The following ARMC9 variants were observed in gnomAD, a reference collection of about 807,000 sequenced individuals.
ARMC9 encodes the protein armadillo repeat containing 9, also known as lisH domain-containing protein ARMC9.
In ARMC9, 94 loss-of-function variants were observed where a neutral mutation model predicts 107.0. That is an observed-to-expected ratio of 0.88 (90% CI 0.74 to 1.04). The LOEUF is 1.04. Among genes scored for constraint, ARMC9 ranks in the 50% least tolerant of loss-of-function variants. The pLI is 0.00. For missense variants in ARMC9, 942 were observed against 1,030.1 expected, an observed-to-expected ratio of 0.91 and a Z score of 1.17; for synonymous variants, 380 against 396.9, an observed-to-expected ratio of 0.96 and a Z score of 0.51.
chr2:231,337,286 A>AT lies in ARMC9; in HGVS notation c.1878+5390dup, dbSNP rs1423365679. 1.9e-3 allele frequency among the ~76,000 whole-genome samples: 115 copies of AT among 59,698 alleles called. 1 individual carries two copies. Among genetic ancestry groups the AT allele is most frequent in the African/African-American group, 6.8e-3 (90 of 13,236 alleles). 39.2% of individuals were successfully genotyped at this position (59,698 alleles called of 152,430 possible). ...CGTGTGTGTGTATATATATATATAT[A>AT]TATATTTTTTTTTTTTTTTTTTTTT... On this transcript the variant is annotated intron_variant, in intron 20 of 24. Transcript: ENST00000611582.
chr2:231,261,830 T>C (rs2038379778), intron 11 of ARMC9, among the ~76,000 whole-genome samples: 1 of 151,654 alleles, frequency 6.6e-6, no homozygotes. Context: ...ACAGGTTCTT[T>C]TTTTTTTTTT....
chr2:231,271,092 T>G lies in ARMC9; in HGVS notation c.1210+20T>G. 6.2e-7 allele frequency: 1 copy of G among 1,612,434 alleles called. No homozygotes were observed. ...CAGAAGGTGAGACATCAGCTTTGCT[T>G]CAAAGATAAGAGCTAGGTCATATTG... On this transcript the variant is annotated intron_variant, in intron 13 of 24. Coordinates refer to ENST00000611582, the MANE Select transcript of ARMC9 (RefSeq NM_001352754.2).
Position 231,330,812 on chromosome 2 carries a change from G to C in ARMC9, c.1774-981G>C, listed in dbSNP as rs78092356. On this transcript the variant is annotated intron_variant, in intron 19 of 24. Transcript: ENST00000611582. ...TTTGGCTAAAGGAAGCAGGCTTTGG[G>C]TAAAGGAAGCAGGCTTTGGCTAAAG... Among the ~76,000 whole-genome samples the C allele has an allele frequency of 2.6e-3, 344 of 132,462 alleles. 2 individuals are homozygous for C. The highest frequency in any genetic ancestry group is 0.014 in the African/African-American group (318 of 23,266). The allele number at this position is 132,462 out of a possible 152,430, so 86.9% of individuals were successfully genotyped here.
In ARMC9 at chr2:231,331,283, C is replaced by T. The variant is rs980474313; in HGVS notation, c.1774-510C>T. 2.6e-5 allele frequency among the ~76,000 whole-genome samples: 4 copies of T among 152,180 alleles called. No individual in the cohort carries two copies. In the South Asian group the frequency reaches 6.2e-4, roughly 24 times the overall value. ...GTAGTGTCCAGTGTTTTTGGTTGTA[C>T]GTAGTGGGAGGAATATGGAAAGGAA... On this transcript the variant is annotated intron_variant, in intron 19 of 24. Transcript: ENST00000611582.
intron 9 of ARMC9, among the ~76,000 whole-genome samples, chr2:231,250,373 T>C (rs1336232626): frequency 6.6e-6 from 1 of 152,192 alleles, no homozygotes; most frequent in East Asian, 1.9e-4. Flanking sequence ...CCAGTAGCAC[T>C]ACTCCCGCTA....
chr2:231,270,761 T>G (rs991693182), intron 12 of ARMC9: 1 of 668,986 alleles, frequency 1.5e-6, no homozygotes, highest in African/African-American at 1.8e-5. Flanking sequence ...TTCGTGTAAT[T>G]AATTCATTTA....
At chr2:231,246,178 T>C (rs746673378) in intron 9 of ARMC9, among the ~76,000 whole-genome samples, 2 of 152,190 alleles carry the variant, frequency 1.3e-5, no homozygotes, top group South Asian at 2.1e-4. Flanking sequence ...TAAGGCCCCA[T>C]TGGAAATAAA....
At chr2:231,322,310 C>G (rs1242859928) in intron 19 of ARMC9, among the ~76,000 whole-genome samples, 1 of 152,226 alleles carries the variant, frequency 6.6e-6, no homozygotes, top group Non-Finnish European at 1.5e-5. Flanking sequence ...TCAGTCCACC[C>G]TCGCTCTCCC....
intron 21 of ARMC9, among the ~76,000 whole-genome samples, chr2:231,349,777 A>T (rs1301422086): frequency 1.3e-5 from 2 of 148,220 alleles, no homozygotes; most frequent in African/African-American, 5.3e-5. Context: ...TGAGACCCCC[A>T]ACTTAAAACA....
intron 23 of ARMC9, among the ~76,000 whole-genome samples, chr2:231,363,920 C>G (rs1011179539): frequency 6.7e-6 from 1 of 150,308 alleles, no homozygotes; most frequent in African/African-American, 2.4e-5. Flanking sequence ...AGCCCAGACC[C>G]TACAATCATG....
In ARMC9 at chr2:231,345,220, G is replaced by T. The variant is rs1237291927; in HGVS notation, c.1994+130G>T. 3 of 1,465,440 alleles carry T rather than the reference G, an allele frequency of 2.0e-6. No individual in the cohort carries two copies. The African/African-American group carries it at 4.4e-5, about 22-fold the overall frequency. The allele number at this position is 1,465,440 out of a possible 1,614,324, so 90.8% of individuals were successfully genotyped here. A position where few individuals can be genotyped will look rare whatever the true frequency, so the allele number is the denominator to read the frequency against. On this transcript the variant is annotated intron_variant, in intron 21 of 24. Transcript: ENST00000611582. ...GAAAAGCATTTATCTCTTTATTTTT[G>T]GGGGATTTTTGGAGGGAAAGAGGTT... is the stretch of plus-strand genomic sequence containing the variant.
At position 231,375,270 on chromosome 2, in the gene ARMC9, T is replaced by A. The variant is rs2046160980; in HGVS notation, c.*3735T>A. Among the ~76,000 whole-genome samples the A allele has an allele frequency of 1.3e-5, 2 of 152,200 alleles. No homozygotes were observed. The highest frequency in any genetic ancestry group is 4.1e-4 in the South Asian group (2 of 4,830). On this transcript the variant is annotated 3_prime_UTR_variant, in exon 25 of 25. Coordinates refer to ENST00000611582, the MANE Select transcript of ARMC9 (RefSeq NM_001352754.2). The surrounding 1 kb of genome is among the most constrained non-coding windows in gnomAD (Gnocchi z 4.3). ...CCCTTGGTTCTCCTCTGGCTTAGGC[T>A]TGTTCACATGGTGGCCTCGGGGCTC...
intron 1 of ARMC9, among the ~76,000 whole-genome samples, chr2:231,201,886 C>G (rs1384335393): frequency 6.6e-6 from 1 of 152,214 alleles, no homozygotes; most frequent in Non-Finnish European, 1.5e-5. Flanking sequence ...TACCAGCAAC[C>G]CTGCCATGTT....
chr2:231,367,668 G>A (rs1002579496), intron 23 of ARMC9, among the ~76,000 whole-genome samples: 2 of 151,602 alleles, frequency 1.3e-5, no homozygotes, highest in Non-Finnish European at 2.9e-5. Flanking sequence ...TAAATATTAT[G>A]GATATTTTAC....
chr2:231,219,863 G>A (rs1440321465), intron 5 of ARMC9, among the ~76,000 whole-genome samples: 1 of 151,764 alleles, frequency 6.6e-6, no homozygotes, highest in Non-Finnish European at 1.5e-5. Flanking sequence ...AAGAGATGGG[G>A]TCTCACTCTA....
chr2:231,246,023 GC>G (rs147212117), intron 9 of ARMC9, among the ~76,000 whole-genome samples: 1 of 152,144 alleles, frequency 6.6e-6, no homozygotes, highest in East Asian at 1.9e-4. Context: ...TCGAGCTCCT[GC>G]CCCCTGGATG....
chr2:231,223,520 G>A (rs2034352410), intron 6 of ARMC9, among the ~76,000 whole-genome samples: 1 of 152,200 alleles, frequency 6.6e-6, no homozygotes, highest in Admixed American at 6.5e-5. Flanking sequence ...GAATAAAAAT[G>A]TATCCAAAGT....
At chr2:231,213,575 C>T (rs2033157314) in intron 3 of ARMC9, among the ~76,000 whole-genome samples, 1 of 151,708 alleles carries the variant, frequency 6.6e-6, no homozygotes, top group Non-Finnish European at 1.5e-5. Context: ...CTCCCGGGTT[C>T]AAGCAATTCT....
rs560192168 is a variant in ARMC9, at chr2:231,217,224, C to A, written c.504+431C>A. ...ACAAGAGAGGACATGCTATGTGATTCCCTTTGTATATACATCAAAGCAAAC... is the reference window on the plus strand; with the variant it reads ...ACAAGAGAGGACATGCTATGTGATTACCTTTGTATATACATCAAAGCAAAC... On this transcript the variant is annotated intron_variant, in intron 5 of 24. Coordinates refer to ENST00000611582, the MANE Select transcript of ARMC9 (RefSeq NM_001352754.2). Among the ~76,000 whole-genome samples, 33 of 152,312 alleles carry A rather than the reference C, an allele frequency of 2.2e-4. No homozygotes were observed. The South Asian group carries it at 2.7e-3, about 12-fold the overall frequency.
Sources: allele counts gnomAD v4.1 joint callset (sites outside exome capture counted in the v4.1 genomes callset), GRCh38; gene constraint gnomAD v4.1.1; non-coding constraint Gnocchi (gnomAD v3.1); transcripts MANE v1.5; gene names NCBI Gene and HGNC (gene_info 2026-07-23, HGNC 2026-07-21).